The following PRH1 variants were observed in gnomAD, a reference collection of about 807,000 sequenced individuals.
PRH1 encodes the protein salivary acidic proline-rich phosphoprotein 1/2.
PRH1 carries 7 observed loss-of-function variants against 7.9 expected under a neutral mutation model. That is an observed-to-expected ratio of 0.89 (90% confidence interval 0.50 to 1.67). The LOEUF (loss-of-function observed/expected upper bound fraction) is 1.67, where lower values mean the gene tolerates loss of function less well. Among genes scored for constraint, PRH1 ranks in the 40% most tolerant of loss-of-function variants. The pLI is 0.00. For synonymous variants in PRH1, 45 were observed against 80.8 expected (o/e 0.56, Z 2.38); for missense variants, 109 against 223.6 (o/e 0.49, Z 3.27).
intron 1 of PRH1, among the ~76,000 whole-genome samples, chr12:11,150,643 G>A (rs1054649913): frequency 4.0e-4 from 61 of 152,166 alleles, no homozygotes; most frequent in Non-Finnish European, 8.1e-4. Context: ...ACACAGGAAG[G>A]GGAACATCAC....
At chr12:10,952,539 T>A (rs1937737367) in intron 2 of PRH1, among the ~76,000 whole-genome samples, 1 of 152,196 alleles carries the variant, frequency 6.6e-6, no homozygotes, top group Non-Finnish European at 1.5e-5. Flanking sequence ...GCAAGTTTAC[T>A]GGACTAAATC....
At chr12:10,986,531 A>T in intron 1 of PRH1, 1 of 1,614,134 alleles carries the variant, frequency 6.2e-7, no homozygotes, top group South Asian at 1.1e-5. Context: ...AGAAATTGGC[A>T]ATCTTGAGCA....
At chr12:11,139,193 T>C (rs906114393) in intron 1 of PRH1, among the ~76,000 whole-genome samples, 2 of 152,202 alleles carry the variant, frequency 1.3e-5, no homozygotes, top group African/African-American at 4.8e-5. Flanking sequence ...ATGTTTTTGC[T>C]TTTTTAACAT....
intron 2 of PRH1, 57 bp from the exon 3 acceptor site, chr12:10,882,755 A>T (rs1949426537): frequency 6.3e-7 from 1 of 1,598,358 alleles, no homozygotes; most frequent in African/African-American, 1.3e-5. Context: ...TCCTGTCTTC[A>T]TACCTCTCTG....
rs77170115 is a variant in PRH1 at position 10,954,446 on chromosome 12, G to C, written c.-59+19209C>G. Reference sequence around the variant, plus strand: ...CCAAGCAAATGGAAAATAGAAGCAGGGTTGCTATTCTAACTTCTTTTTGTT... The same window carrying C: ...CCAAGCAAATGGAAAATAGAAGCAGCGTTGCTATTCTAACTTCTTTTTGTT... On this transcript the variant is annotated intron_variant, in intron 2 of 3. Coordinates refer to the PRH1 transcript ENST00000539853. Among the ~76,000 whole-genome samples, 14 of 149,554 alleles carry C rather than the reference G, an allele frequency of 9.4e-5. No individual in the cohort carries two copies. The East Asian group carries it at 2.1e-3, about 23-fold the overall frequency.
downstream of PRH1, among the ~76,000 whole-genome samples, chr12:11,118,674 T>C (rs1055514323): frequency 6.6e-6 from 1 of 152,056 alleles, no homozygotes; most frequent in African/African-American, 2.4e-5. Context: ...GCAATCAAAG[T>C]GTCCAGCAAC....
chr12:10,939,551 G>GTTTTT (rs60186756), intron 2 of PRH1, among the ~76,000 whole-genome samples: 17 of 123,298 alleles, frequency 1.4e-4, no homozygotes, highest in East Asian at 4.8e-4. Context: ...TGGTTTGTGT[G>GTTTTT]TTTTTTTTTT....
At chr12:11,000,908 T>C (rs1181783644) in intron 1 of PRH1, among the ~76,000 whole-genome samples, 1 of 152,150 alleles carries the variant, frequency 6.6e-6, no homozygotes, top group East Asian at 1.9e-4. Flanking sequence ...TATTTTGTTC[T>C]CCTTCTATAA....
chr12:11,080,537 T>TA, intron 1 of PRH1, among the ~76,000 whole-genome samples: 1 of 105,238 alleles, frequency 9.5e-6, no homozygotes, highest in Non-Finnish European at 2.3e-5. Flanking sequence ...CTCACAGACA[T>TA]AAAAAAGCCA....
At chr12:10,934,913 G>A (rs1036744572) in intron 2 of PRH1, among the ~76,000 whole-genome samples, 1 of 152,022 alleles carries the variant, frequency 6.6e-6, no homozygotes, top group African/African-American at 2.4e-5. Context: ...GTTATCAATT[G>A]CATTAAAATT....
intron 1 of PRH1, among the ~76,000 whole-genome samples, chr12:11,110,830 A>G (rs533614000): frequency 3.3e-5 from 5 of 152,338 alleles, no homozygotes; most frequent in African/African-American, 4.8e-5. Context: ...TAAATGGGAA[A>G]AATACCCCAA....
downstream of PRH1, chr12:11,120,723 T>C (rs959160749): frequency 1.3e-5 from 2 of 152,206 alleles, no homozygotes; most frequent in Admixed American, 6.5e-5. Flanking sequence ...TGGGTGTTAT[T>C]TGATCATTAG....
At chr12:10,949,730 G>A (rs888080221) in intron 2 of PRH1, among the ~76,000 whole-genome samples, 1 of 151,896 alleles carries the variant, frequency 6.6e-6, no homozygotes, top group Admixed American at 6.6e-5. Context: ...TACACAGTTA[G>A]GGAAAAAATT....
chr12:11,035,193 T>C (rs1942385003), intron 1 of PRH1, among the ~76,000 whole-genome samples: 2 of 152,066 alleles, frequency 1.3e-5, no homozygotes, highest in Admixed American at 1.3e-4. Flanking sequence ...TTTCTAAAAA[T>C]ATATGAACTG....
At chr12:11,089,864 C>G (rs1591991830) in intron 1 of PRH1, among the ~76,000 whole-genome samples, 1 of 110,358 alleles carries the variant, frequency 9.1e-6, no homozygotes, top group Non-Finnish European at 2.2e-5. Flanking sequence ...ACAGCTGCAT[C>G]AAGACTATAT....
chr12:10,935,244 T>C lies in PRH1; in HGVS notation c.-59+38411A>G, dbSNP rs968117874. On this transcript the variant is annotated intron_variant, in intron 2 of 3. Transcript: ENST00000539853. ...TGCTGTCTTTTTGGCAATAAGAATA[T>C]AGGGCTCAGGAAATCACATGGATTC... Among the ~76,000 whole-genome samples the C allele has an allele frequency of 2.6e-5, 4 of 152,314 alleles. No homozygotes were observed. In the East Asian group the frequency reaches 5.8e-4, roughly 22 times the overall value.
upstream of PRH1, among the ~76,000 whole-genome samples, chr12:10,885,187 A>C (rs971701554): frequency 1.3e-5 from 2 of 152,220 alleles, no homozygotes; most frequent in Admixed American, 1.3e-4. Flanking sequence ...GATAATTTGT[A>C]ATACCTGTCC....
intron 1 of PRH1, among the ~76,000 whole-genome samples, chr12:10,994,924 A>G (rs1313963423): frequency 6.6e-6 from 1 of 152,242 alleles, no homozygotes; most frequent in Admixed American, 6.5e-5. Flanking sequence ...CTTAGTAAAA[A>G]GTATTGTAAT....
chr12:10,928,524 T>G (rs576202046), intron 2 of PRH1, among the ~76,000 whole-genome samples: 1 of 152,336 alleles, frequency 6.6e-6, no homozygotes, highest in African/African-American at 2.4e-5. Context: ...CAGTTTTGCT[T>G]TAATAATCCC....
Sources: allele counts gnomAD v4.1 joint callset (sites outside exome capture counted in the v4.1 genomes callset), GRCh38; gene constraint gnomAD v4.1.1; transcripts MANE v1.5; gene names NCBI Gene and HGNC (gene_info 2026-07-23, HGNC 2026-07-21).